Variants in PCDHGC5 observed in about 807,000 individuals in gnomAD.
PCDHGC5 encodes protocadherin gamma-C5.
PCDHGC5 carries 25 observed loss-of-function variants against 59.0 expected under a neutral mutation model. That is an observed-to-expected ratio of 0.42 (90% CI 0.31 to 0.59). PCDHGC5 has a LOEUF of 0.59. PCDHGC5 is among the 20% of genes least tolerant of loss of function. PCDHGC5 has a pLI of 0.13. For missense variants in PCDHGC5, 1,067 were observed against 1,206.4 expected (o/e 0.88, Z 1.71); for synonymous variants, 434 against 505.5 (o/e 0.86, Z 1.90).
Position 141,491,030 on chromosome 5 carries a change from C to T in PCDHGC5, c.1790C>T (p.Ala597Val). ...SLVTKVTAVD[A>V]DAGHNAWLSY... ...GTCACCAAGGTGACAGCCGTGGATG[C>T]TGATGCAGGCCACAATGCGTGGCTC... Residue 597 changes from alanine to valine, a missense_variant, in exon 1 of 4, where the codon GCT (alanine) becomes GTT (valine). Physicochemically the swap from Ala to Val is moderately conservative, Grantham distance 64. Transcript: ENST00000252087. The surrounding 1 kb of genome is among the most constrained non-coding windows in gnomAD (Gnocchi z 6.9). 6.2e-7 allele frequency: 1 copy of T among 1,614,148 alleles called. No individual in the cohort carries two copies. Among genetic ancestry groups the T allele is most frequent in the South Asian group, 1.1e-5 (1 of 91,088 alleles).
chr5:141,490,544 A>G lies in PCDHGC5; in HGVS notation c.1304A>G (p.His435Arg). 6.2e-7 allele frequency: 1 copy of G among 1,614,120 alleles called. No individual in the cohort carries two copies. Among genetic ancestry groups the G allele is most frequent in the Non-Finnish European group, 8.5e-7 (1 of 1,180,028 alleles). ...AGCGATGCTGGTTCACCTTCCCTAC[A>G]CAAACATCTCACCATCAGGCTCAAC... ...LASDAGSPSLHKHLTIRLNIS... is the reference protein window; with the variant it reads ...LASDAGSPSLRKHLTIRLNIS... The change falls in exon 1 of 4, where the codon CAC becomes CGC. Residue 435 changes from histidine to arginine, a missense_variant. By Grantham distance (29) the His-to-Arg change is conservative (BLOSUM62 0). Transcript: ENST00000252087. This position sits in a 1 kb window ranked among gnomAD's most constrained non-coding sequence, Gnocchi z 5.4.
At chr5:141,495,923 T>G (rs1337381299) in intron 2 of PCDHGC5, among the ~76,000 whole-genome samples, 4 of 152,306 alleles carry the variant, frequency 2.6e-5, no homozygotes, top group South Asian at 2.1e-4. Context: ...TTTCTTTGTC[T>G]CTGTCTCTGG....
Position 141,490,254 on chromosome 5 carries a change from G to A in PCDHGC5, c.1014G>A (p.Val338=). The A allele has an allele frequency of 6.2e-7, 1 of 1,614,236 alleles. No homozygotes were observed. Among genetic ancestry groups the A allele is most frequent in the Non-Finnish European group, 8.5e-7 (1 of 1,180,038 alleles). ...TGGAGGGCCACTGTGTGATTCAAGT[G>A]GATGTGGGGGATGTCAATGACAATG... ...PAMEGHCVIQ[V]DVGDVNDNAP... is the part of the protein sequence containing the mutation. The change falls in exon 1 of 4, where the codon GTG becomes GTA. Residue 338 remains valine, a synonymous_variant. Coordinates refer to ENST00000252087, the MANE Select transcript of PCDHGC5 (RefSeq NM_018929.3). The surrounding 1 kb of genome is among the most constrained non-coding windows in gnomAD (Gnocchi z 5.4).
At chr5:141,502,862 CTGTCT>C (rs2099816366) in intron 2 of PCDHGC5, among the ~76,000 whole-genome samples, 2 of 68,560 alleles carry the variant, frequency 2.9e-5, no homozygotes, top group Admixed American at 3.3e-4. Flanking sequence ...CCCTGACTCT[CTGTCT>C]TTTTTTTTTT....
At chr5:141,510,134 C>T (rs1273076437) in intron 3 of PCDHGC5, among the ~76,000 whole-genome samples, 1 of 152,064 alleles carries the variant, frequency 6.6e-6, no homozygotes, top group East Asian at 1.9e-4. Context: ...ATTAGCTGGG[C>T]TAGTGGTGTG....
intron 2 of PCDHGC5, among the ~76,000 whole-genome samples, chr5:141,497,501 C>T (rs1268186916): frequency 6.6e-6 from 1 of 151,182 alleles, no homozygotes; most frequent in Non-Finnish European, 1.5e-5. Flanking sequence ...TCTCTCCTCT[C>T]TCTGCTTCCT....
Position 141,491,665 on chromosome 5 carries a change from C to T in PCDHGC5, c.2425C>T (p.Arg809Trp), listed in dbSNP as rs749918160. 6.2e-7 allele frequency: 1 copy of T among 1,613,764 alleles called. No homozygotes were observed. The highest frequency in any genetic ancestry group is 8.5e-7 in the Non-Finnish European group (1 of 1,180,000). Residue 809 changes from arginine to tryptophan, a missense_variant, in exon 1 of 4, where the codon CGG becomes TGG. Transcript: ENST00000252087. The surrounding 1 kb of genome is among the most constrained non-coding windows in gnomAD (Gnocchi z 6.9). ...TALALEPDAIRSRSNTLRERS... is the reference protein window; with the variant it reads ...TALALEPDAIWSRSNTLRERS... ...TCTGGCGCTGGAGCCTGACGCCATCCGGTCCCGCTCTAATACGCTGCGGGA... is the reference window on the plus strand; with the variant it reads ...TCTGGCGCTGGAGCCTGACGCCATCTGGTCCCGCTCTAATACGCTGCGGGA...
Position 141,511,381 on chromosome 5 carries a change from G to C in PCDHGC5, c.*208G>C. 8.5e-7 allele frequency: 1 copy of C among 1,170,380 alleles called. No individual in the cohort carries two copies. Among genetic ancestry groups the C allele is most frequent in the Non-Finnish European group, 1.2e-6 (1 of 854,768 alleles). 72.5% of individuals were successfully genotyped at this position (1,170,380 alleles called of 1,614,324 possible). On this transcript the variant is annotated 3_prime_UTR_variant, in exon 4 of 4. Coordinates refer to ENST00000252087, the MANE Select transcript of PCDHGC5 (RefSeq NM_018929.3). The stretch of plus-strand genomic sequence containing the variant: ...GGGTTGAATATGCAAAAGCAGTTCC[G>C]CTGGGAACCCCCATCCAATCAACTG...
rs145936007 is a variant in PCDHGC5, at chr5:141,490,795, C to T, written c.1555C>T (p.Gln519Ter). 2.0e-5 allele frequency: 33 copies of T among 1,614,036 alleles called. No homozygotes were observed. Among genetic ancestry groups the T allele is most frequent in the Non-Finnish European group, 2.8e-5 (33 of 1,179,922 alleles). ...CCCAGAGGATGGACGGATCTTTGCC[C>T]AGCGTACCTTTGACTATGAATTGCT... The part of the protein sequence containing the change: ...VNPEDGRIFA[Q>*]RTFDYELLQM... The change falls in exon 1 of 4, where the codon CAG (glutamine) becomes TAG (stop). Residue 519 changes from glutamine to a stop codon, truncating the protein, a stop_gained. Coordinates refer to ENST00000252087, the MANE Select transcript of PCDHGC5 (RefSeq NM_018929.3). LOFTEE classifies it high-confidence loss of function. This position sits in a 1 kb window ranked among gnomAD's most constrained non-coding sequence, Gnocchi z 5.4.
rs1216200329 is a variant in PCDHGC5, at chr5:141,491,485, C to G, written c.2245C>G (p.Leu749Val). ...CTTCTATAAGCAGTCCAGCCCCAAC[C>G]TGCAGGTGAGCTCGGACGGCACGCT... ...PDFYKQSSPN[L>V]QVSSDGTLKY... The change falls in exon 1 of 4, where the codon CTG becomes GTG. Residue 749 changes from leucine to valine, a missense_variant. Coordinates refer to ENST00000252087, the MANE Select transcript of PCDHGC5 (RefSeq NM_018929.3). This position sits in a 1 kb window ranked among gnomAD's most constrained non-coding sequence, Gnocchi z 6.9. 6.2e-7 allele frequency: 1 copy of G among 1,614,148 alleles called. No individual in the cohort carries two copies. The highest frequency in any genetic ancestry group is 1.3e-5 in the African/African-American group (1 of 75,064).
chr5:141,502,457 A>G lies in PCDHGC5; in HGVS notation c.2520-2936A>G, dbSNP rs950959171. 6.6e-5 allele frequency among the ~76,000 whole-genome samples: 10 copies of G among 151,926 alleles called. No individual in the cohort carries two copies. The South Asian group carries it at 1.7e-3, about 25-fold the overall frequency. On this transcript the variant is annotated intron_variant, in intron 2 of 3. Coordinates refer to ENST00000252087, the MANE Select transcript of PCDHGC5 (RefSeq NM_018929.3). The stretch of plus-strand genomic sequence containing the variant: ...TTAGATTCAGATTACACACCTTGGT[A>G]GGAATACTTCCCGCAGCATCACACT...
chr5:141,493,206 C>A lies in PCDHGC5; in HGVS notation c.2460+1506C>A, dbSNP rs191090598. Among the ~76,000 whole-genome samples the A allele has an allele frequency of 2.4e-3, 368 of 152,322 alleles. 2 individuals carry two copies. Among genetic ancestry groups the A allele is most frequent in the Admixed American group, 4.5e-3 (69 of 15,296 alleles). On this transcript the variant is annotated intron_variant, in intron 1 of 3. Transcript: ENST00000252087. This position sits in a 1 kb window ranked among gnomAD's most constrained non-coding sequence, Gnocchi z 4.3. ...TATAACTCCTTTGAGAACCTCATCT[C>A]ATTTGCTCTTCCCACCATTGCTGTT...
At position 141,490,490 on chromosome 5, in the gene PCDHGC5, C is replaced by T; in HGVS notation, c.1250C>T (p.Thr417Ile). 1 of 1,614,184 alleles carries T rather than the reference C, an allele frequency of 6.2e-7. No homozygotes were observed. The highest frequency in any genetic ancestry group is 8.5e-7 in the Non-Finnish European group (1 of 1,180,028). The stretch of plus-strand genomic sequence containing the variant: ...AGCCAGCCTTTGGACCGGGAGGCCA[C>T]ATCCCACTATATCATCGAGCTGCTG... ...LTSQPLDREATSHYIIELLAS... is the reference protein window; with the variant it reads ...LTSQPLDREAISHYIIELLAS... The change falls in exon 1 of 4, where the codon ACA becomes ATA. Residue 417 changes from threonine (T) to isoleucine (I), a missense_variant. Coordinates refer to ENST00000252087, the MANE Select transcript of PCDHGC5 (RefSeq NM_018929.3). The surrounding 1 kb of genome is among the most constrained non-coding windows in gnomAD (Gnocchi z 5.4).
chr5:141,491,143 C>A lies in PCDHGC5; in HGVS notation c.1903C>A (p.Leu635Met). 1.2e-6 allele frequency: 2 copies of A among 1,614,142 alleles called. No homozygotes were observed. Among genetic ancestry groups the A allele is most frequent in the South Asian group, 1.1e-5 (1 of 91,082 alleles). The change falls in exon 1 of 4, where the codon CTG (leucine) becomes ATG (methionine). Residue 635 changes from leucine to methionine, a missense_variant. Transcript: ENST00000252087. This position sits in a 1 kb window ranked among gnomAD's most constrained non-coding sequence, Gnocchi z 6.9. ...TGEVRTARAL[L>M]EDDSDTQQVV... ...TGAGGTGCGCACAGCCCGGGCCTTA[C>A]TGGAGGATGACTCTGACACCCAGCA... is the stretch of plus-strand genomic sequence containing the variant.
At position 141,491,724 on chromosome 5, in the gene PCDHGC5, G is replaced by A; in HGVS notation, c.2460+24G>A. ...AGGTGAGGGGCTCGGCGCCGCCCCGGGCGACCCCTGGGGGCGGCACTGGAG... is the reference window on the plus strand; with the variant it reads ...AGGTGAGGGGCTCGGCGCCGCCCCGAGCGACCCCTGGGGGCGGCACTGGAG... On this transcript the variant is annotated intron_variant, in intron 1 of 3. Coordinates refer to ENST00000252087, the MANE Select transcript of PCDHGC5 (RefSeq NM_018929.3). This position sits in a 1 kb window ranked among gnomAD's most constrained non-coding sequence, Gnocchi z 6.9. 1 of 1,606,454 alleles carries A rather than the reference G, an allele frequency of 6.2e-7. No individual in the cohort carries two copies. The highest frequency in any genetic ancestry group is 1.1e-5 in the South Asian group (1 of 90,304).
At position 141,502,665 on chromosome 5, in the gene PCDHGC5, A is replaced by G. The variant is rs192555506; in HGVS notation, c.2520-2728A>G. The stretch of plus-strand genomic sequence containing the variant: ...GAGATAGGCAGCAACCCTTCATGCA[A>G]TTTTAGTATTCCCTGATGATCCTTG... On this transcript the variant is annotated intron_variant, in intron 2 of 3. Transcript: ENST00000252087. 3.7e-3 allele frequency among the ~76,000 whole-genome samples: 568 copies of G among 152,330 alleles called. 1 individual carries two copies. Among genetic ancestry groups the G allele is most frequent in the African/African-American group, 0.013 (544 of 41,584 alleles).
chr5:141,489,300 C>A lies in PCDHGC5; in HGVS notation c.60C>A (p.Ser20=). The change falls in exon 1 of 4, where the codon TCC becomes TCA. Residue 20 remains serine, a synonymous_variant. Coordinates refer to ENST00000252087, the MANE Select transcript of PCDHGC5 (RefSeq NM_018929.3). The surrounding 1 kb of genome is among the most constrained non-coding windows in gnomAD (Gnocchi z 4.5). ...AGKWQVLCML[S]LCCWGWVSGQ... ...AATGGCAAGTGCTGTGCATGTTGTC[C>A]TTGTGCTGCTGGGGCTGGGTGTCTG... 1 of 1,585,698 alleles carries A rather than the reference C, an allele frequency of 6.3e-7. No homozygotes were observed. Among genetic ancestry groups the A allele is most frequent in the South Asian group, 1.2e-5 (1 of 85,012 alleles).
chr5:141,501,618 T>G (rs1307485559), intron 2 of PCDHGC5, among the ~76,000 whole-genome samples: 2 of 152,068 alleles, frequency 1.3e-5, no homozygotes, highest in African/African-American at 4.8e-5. Flanking sequence ...GTGACTCTGG[T>G]ATAGTCTCTC....
rs754462129 is a variant in PCDHGC5, at chr5:141,490,693, G to T, written c.1453G>T (p.Asp485Tyr). 6.2e-7 allele frequency: 1 copy of T among 1,614,170 alleles called. No homozygotes were observed. Among genetic ancestry groups the T allele is most frequent in the South Asian group, 1.1e-5 (1 of 91,072 alleles). Residue 485 changes from aspartate (D) to tyrosine (Y), a missense_variant, in exon 1 of 4, where the codon GAT becomes TAT. Asp to Tyr is a radical substitution (Grantham distance 160, BLOSUM62 -3). Transcript: ENST00000252087. This position sits in a 1 kb window ranked among gnomAD's most constrained non-coding sequence, Gnocchi z 5.4. ...TVAASDPDTG[D>Y]NARLTYSIVG... is the part of the protein sequence containing the mutation. Reference sequence around the variant, plus strand: ...GGCTGCCTCAGATCCAGACACTGGGGATAATGCCCGCCTCACCTACTCCAT... The same window carrying T: ...GGCTGCCTCAGATCCAGACACTGGGTATAATGCCCGCCTCACCTACTCCAT...
Sources: allele counts gnomAD v4.1 joint callset (sites outside exome capture counted in the v4.1 genomes callset), GRCh38; gene constraint gnomAD v4.1.1; non-coding constraint Gnocchi (gnomAD v3.1); transcripts MANE v1.5; gene names NCBI Gene and HGNC (gene_info 2026-07-23, HGNC 2026-07-21).